GLIS3: variants seen among roughly 807,000 people sequenced by gnomAD.
GLIS3 encodes the protein GLIS family zinc finger 3.
GLIS3 carries 53 observed loss-of-function variants against 78.6 expected under a neutral mutation model. The observed-to-expected ratio is 0.67, with a 90% CI of 0.54 to 0.85. The LOEUF is 0.85. GLIS3 is among the 40% of genes least tolerant of loss of function. The probability of loss-of-function intolerance (pLI) is 0.00; values close to 1 mark genes in which losing one functional copy is unlikely to be tolerated. For synonymous variants in GLIS3, 684 were observed against 509.9 expected, an observed-to-expected ratio of 1.34 and a Z score of -4.60; for missense variants, 1,703 against 1,231.1, an observed-to-expected ratio of 1.38 and a Z score of -5.74.
chr9:4,112,308 C>G (rs551519971), intron 4 of GLIS3, among the ~76,000 whole-genome samples: 2 of 152,238 alleles, frequency 1.3e-5, no homozygotes, highest in South Asian at 2.1e-4. Flanking sequence ...ATTAAACTAC[C>G]CTAATCATTG....
intron 4 of GLIS3, among the ~76,000 whole-genome samples, chr9:4,115,394 G>T (rs1190051788): frequency 1.3e-5 from 2 of 152,104 alleles, no homozygotes; most frequent in Non-Finnish European, 2.9e-5. Context: ...TGAGCTTTCA[G>T]TCAACTACCA....
chr9:4,248,925 G>C (rs1464554244), intron 2 of GLIS3, among the ~76,000 whole-genome samples: 1 of 152,156 alleles, frequency 6.6e-6, no homozygotes, highest in Non-Finnish European at 1.5e-5. Flanking sequence ...ACCACTTTTA[G>C]AAGGGGTGGT....
chr9:4,024,531 G>A (rs1045054652), intron 4 of GLIS3, among the ~76,000 whole-genome samples: 1 of 152,132 alleles, frequency 6.6e-6, no homozygotes, highest in Non-Finnish European at 1.5e-5. Flanking sequence ...ATGAAGCCCA[G>A]GAAACTCAGT....
chr9:4,260,302 C>G (rs917461994), intron 2 of GLIS3, among the ~76,000 whole-genome samples: 1 of 151,930 alleles, frequency 6.6e-6, no homozygotes, highest in African/African-American at 2.4e-5. Context: ...CACAGTGGCT[C>G]ACACCTGTAA....
the GLIS3 span, among the ~76,000 whole-genome samples, chr9:4,417,674 T>A: frequency 6.6e-6 from 1 of 152,212 alleles, no homozygotes; most frequent in Admixed American, 6.5e-5. Flanking sequence ...GTGTGCATTT[T>A]AAATATCAAT....
intron 6 of GLIS3, among the ~76,000 whole-genome samples, chr9:3,908,702 A>ATTTATTTT (rs1223677932): frequency 3.4e-5 from 1 of 29,088 alleles, no homozygotes; most frequent in Non-Finnish European, 6.5e-5. Flanking sequence ...TGTGATTTGT[A>ATTTATTTT]TTTGTTTTTT....
At chr9:3,917,680 C>G (rs751497474) in intron 6 of GLIS3, among the ~76,000 whole-genome samples, 2 of 151,476 alleles carry the variant, frequency 1.3e-5, no homozygotes, top group African/African-American at 2.4e-5. Context: ...TTCCTTTATT[C>G]CCCAGGGCCC....
At chr9:4,385,022 GC>G in the GLIS3 span, among the ~76,000 whole-genome samples, 2 of 152,184 alleles carry the variant, frequency 1.3e-5, no homozygotes, top group East Asian at 3.8e-4. Context: ...AGATGCCTCA[GC>G]CTTTTAGAAG....
the GLIS3 span, among the ~76,000 whole-genome samples, chr9:4,426,600 G>C: frequency 1.9e-4 from 29 of 152,230 alleles, no homozygotes; most frequent in Non-Finnish European, 1.3e-4. Flanking sequence ...CACACAGCCT[G>C]AGCTTGAACA....
rs554786988 is a variant in GLIS3, at chr9:4,224,896, T to C, written c.388+61142A>G. 6.6e-5 allele frequency among the ~76,000 whole-genome samples: 10 copies of C among 152,196 alleles called. No individual in the cohort carries two copies. In the South Asian group the frequency reaches 1.9e-3, roughly 28 times the overall value. Reference sequence around the variant, plus strand: ...TACCAACCAATGTAATGTTCTGGTATACATAATTCTATGCCAAGATTTAGA... The same window carrying C: ...TACCAACCAATGTAATGTTCTGGTACACATAATTCTATGCCAAGATTTAGA... On this transcript the variant is annotated intron_variant, in intron 2 of 10. Coordinates refer to ENST00000381971, the MANE Select transcript of GLIS3 (RefSeq NM_001042413.2).
chr9:4,033,666 T>C (rs620610), intron 4 of GLIS3, among the ~76,000 whole-genome samples: 18,470 of 152,034 alleles, frequency 0.12, 2,261 homozygotes, highest in African/African-American at 0.31. Context: ...AATCTCTAGG[T>C]GATTCCTATG....
chr9:4,162,525 T>C (rs531268460), intron 2 of GLIS3, among the ~76,000 whole-genome samples: 2 of 152,292 alleles, frequency 1.3e-5, no homozygotes, highest in Admixed American at 6.5e-5. Context: ...GAAAACCTGT[T>C]AGAAGCTTGA....
chr9:4,410,528 A>G, the GLIS3 span, among the ~76,000 whole-genome samples: 3 of 152,240 alleles, frequency 2.0e-5, no homozygotes, highest in African/African-American at 7.2e-5. Context: ...CACGTAAATC[A>G]GCTAAAATTT....
chr9:4,322,203 T>G (rs1387849931), intron 2 of GLIS3, among the ~76,000 whole-genome samples: 2 of 152,210 alleles, frequency 1.3e-5, no homozygotes, highest in Non-Finnish European at 2.9e-5. Context: ...ACAAAGGACA[T>G]GAACTCATCC....
intron 4 of GLIS3, among the ~76,000 whole-genome samples, chr9:3,971,898 G>C (rs576961638): frequency 6.6e-6 from 1 of 152,254 alleles, no homozygotes; most frequent in African/African-American, 2.4e-5. Context: ...ACTGGAGGCA[G>C]TGCTGGGGAT....
intron 2 of GLIS3, among the ~76,000 whole-genome samples, chr9:4,254,299 T>C (rs996175210): frequency 2.0e-5 from 3 of 152,136 alleles, no homozygotes; most frequent in African/African-American, 4.8e-5. Context: ...TCAAAAACAA[T>C]GCAAAGCAAC....
At chr9:4,335,685 T>C (rs928884698) in intron 2 of GLIS3, among the ~76,000 whole-genome samples, 6 of 152,162 alleles carry the variant, frequency 3.9e-5, no homozygotes, top group Non-Finnish European at 8.8e-5. Context: ...GGTTTTAGTT[T>C]AAACCTGAAA....
the GLIS3 span, among the ~76,000 whole-genome samples, chr9:4,354,267 A>T: frequency 6.6e-6 from 1 of 152,300 alleles, no homozygotes; most frequent in Admixed American, 6.5e-5. Context: ...TACTTTCTCC[A>T]GCCAAACTTC....
chr9:4,365,327 T>G, the GLIS3 span, among the ~76,000 whole-genome samples: 3,567 of 151,960 alleles, frequency 0.023, 149 homozygotes, highest in African/African-American at 0.082. Context: ...GGAGGCTGAG[T>G]CAGGTGGATC....
Sources: allele counts gnomAD v4.1 joint callset (sites outside exome capture counted in the v4.1 genomes callset), GRCh38; gene constraint gnomAD v4.1.1; transcripts MANE v1.5; gene names NCBI Gene and HGNC (gene_info 2026-07-23, HGNC 2026-07-21).